The following FAM53B variants were observed in gnomAD, a reference collection of about 807,000 sequenced individuals.
FAM53B encodes family with sequence similarity 53 member B, also known as protein FAM53B.
In FAM53B, 12 loss-of-function variants were observed where a neutral mutation model predicts 32.7. The observed-to-expected ratio is 0.37, with a 90% confidence interval of 0.24 to 0.59. FAM53B has a LOEUF of 0.59. Among genes scored for constraint, FAM53B ranks in the 20% least tolerant of loss-of-function variants. The pLI is 0.72. For missense variants in FAM53B, 477 were observed against 577.7 expected, an observed-to-expected ratio of 0.83 and a Z score of 1.79; for synonymous variants, 234 against 228.7, an observed-to-expected ratio of 1.02 and a Z score of -0.21.
At chr10:124,705,306 G>GGAAGGT (rs76376256) in intron 2 of FAM53B, among the ~76,000 whole-genome samples, 1 of 152,026 alleles carries the variant, frequency 6.6e-6, no homozygotes, top group Non-Finnish European at 1.5e-5. Context: ...GGGGCAGGAG[G>GGAAGGT]GAAGGCGGAG....
chr10:124,672,253 A>G (rs1949711332), intron 4 of FAM53B, among the ~76,000 whole-genome samples: 1 of 152,220 alleles, frequency 6.6e-6, no homozygotes, highest in Admixed American at 6.5e-5. Context: ...TCTCCATCCC[A>G]CACCCATCTC....
At chr10:124,698,050 C>G (rs1461931755) in intron 2 of FAM53B, among the ~76,000 whole-genome samples, 1 of 152,204 alleles carries the variant, frequency 6.6e-6, no homozygotes, top group Non-Finnish European at 1.5e-5. Flanking sequence ...GCTGAGAGCT[C>G]AGCCTGTGGA....
chr10:124,645,216 G>A (rs962140140), intron 4 of FAM53B, among the ~76,000 whole-genome samples: 3 of 152,342 alleles, frequency 2.0e-5, no homozygotes, highest in African/African-American at 7.2e-5. Flanking sequence ...TGCCATCACC[G>A]CCATTCTGTG....
intron 1 of FAM53B, among the ~76,000 whole-genome samples, chr10:124,725,551 T>C (rs770843911): frequency 3.9e-5 from 6 of 152,234 alleles, no homozygotes; most frequent in Non-Finnish European, 7.3e-5. Flanking sequence ...ATGACAGCTC[T>C]GTCAGCTCGA....
Position 124,625,084 on chromosome 10 carries a change from G to C in FAM53B, c.907-1480C>G, listed in dbSNP as rs564907302. Among the ~76,000 whole-genome samples the C allele has an allele frequency of 2.6e-5, 4 of 152,364 alleles. No homozygotes were observed. The East Asian group carries it at 7.7e-4, about 29-fold the overall frequency. On this transcript the variant is annotated intron_variant, in intron 4 of 4. Coordinates refer to ENST00000337318, the MANE Select transcript of FAM53B (RefSeq NM_014661.4). ...GACCACAGACCTGTCCCGAGGGCCT[G>C]ATTCTTTCAAAGGCTGCAGTGTTTG...
intron 1 of FAM53B, among the ~76,000 whole-genome samples, chr10:124,710,533 G>A (rs1162396324): frequency 2.6e-5 from 4 of 152,180 alleles, no homozygotes; most frequent in East Asian, 1.9e-4. Context: ...CGGAGACTTC[G>A]AGCCCAGTCT....
At chr10:124,715,193 C>T (rs1950031582) in intron 1 of FAM53B, among the ~76,000 whole-genome samples, 1 of 152,178 alleles carries the variant, frequency 6.6e-6, no homozygotes, top group African/African-American at 2.4e-5. Context: ...CTGAGGTGTC[C>T]CAGCCAAACA....
chr10:124,625,331 G>A (rs1949339829), intron 4 of FAM53B, among the ~76,000 whole-genome samples: 1 of 152,226 alleles, frequency 6.6e-6, no homozygotes, highest in Non-Finnish European at 1.5e-5. Flanking sequence ...AGGCTGAGGT[G>A]TTGGGGGGAG....
chr10:124,696,090 C>G, intron 3 of FAM53B, 68 bp downstream of exon 3: 1 of 1,291,970 alleles, frequency 7.7e-7, no homozygotes, highest in Middle Eastern at 1.8e-4. Flanking sequence ...GAGTGTCTCA[C>G]CTGGAGGACT....
At chr10:124,641,261 G>C (rs1250653716) in intron 4 of FAM53B, among the ~76,000 whole-genome samples, 1 of 152,186 alleles carries the variant, frequency 6.6e-6, no homozygotes, top group African/African-American at 2.4e-5. Flanking sequence ...TTTCTACAGT[G>C]ACCAATAATG....
chr10:124,663,781 G>T (rs1949648529), intron 4 of FAM53B, among the ~76,000 whole-genome samples: 1 of 151,898 alleles, frequency 6.6e-6, no homozygotes, highest in Admixed American at 6.6e-5. Flanking sequence ...GGCTCATTTT[G>T]TTCCAGGGCG....
At chr10:124,629,281 C>T (rs1949375476) in intron 4 of FAM53B, among the ~76,000 whole-genome samples, 1 of 152,278 alleles carries the variant, frequency 6.6e-6, no homozygotes, top group South Asian at 2.1e-4. Flanking sequence ...CCCCTGCCTG[C>T]GCCAAGTCCG....
At chr10:124,632,924 G>A (rs1026563132) in intron 4 of FAM53B, among the ~76,000 whole-genome samples, 3 of 152,192 alleles carry the variant, frequency 2.0e-5, no homozygotes, top group Admixed American at 1.3e-4. Context: ...TGTGCCCTGA[G>A]GGAACTTGGC....
rs1030662339 is a variant in FAM53B at position 124,726,975 on chromosome 10, T to C, written c.-175+17038A>G. Reference sequence around the variant, plus strand: ...TACATCTTTATTTGTAAAAATTCCCTTGCAATATCTATTAAAATCCAGAAG... The same window carrying C: ...TACATCTTTATTTGTAAAAATTCCCCTGCAATATCTATTAAAATCCAGAAG... On this transcript the variant is annotated intron_variant, in intron 1 of 4. Transcript: ENST00000337318. 2.6e-5 allele frequency among the ~76,000 whole-genome samples: 4 copies of C among 152,340 alleles called. No individual in the cohort carries two copies. The East Asian group carries it at 5.8e-4, about 22-fold the overall frequency.
intron 4 of FAM53B, among the ~76,000 whole-genome samples, chr10:124,680,868 C>T (rs529976365): frequency 1.1e-4 from 16 of 152,310 alleles, no homozygotes; most frequent in Admixed American, 5.9e-4. Context: ...CTTCCTCATC[C>T]CCAGCCAGAA....
At chr10:124,674,929 G>A (rs1949728108) in intron 4 of FAM53B, among the ~76,000 whole-genome samples, 2 of 152,220 alleles carry the variant, frequency 1.3e-5, no homozygotes, top group Admixed American at 6.5e-5. Flanking sequence ...TTAGGAAAGG[G>A]CCCCTACTTC....
intron 4 of FAM53B, among the ~76,000 whole-genome samples, chr10:124,630,282 C>T (rs550783934): frequency 2.0e-5 from 3 of 152,294 alleles, no homozygotes; most frequent in East Asian, 1.9e-4. Context: ...GACATAGTGG[C>T]GCATGCCTGT....
chr10:124,740,484 A>C (rs1589770340), intron 1 of FAM53B, among the ~76,000 whole-genome samples: 1 of 152,228 alleles, frequency 6.6e-6, no homozygotes, highest in Non-Finnish European at 1.5e-5. Context: ...GTCTCAGGGT[A>C]CATCAGCATA....
chr10:124,667,612 G>C (rs1949681187), intron 4 of FAM53B, among the ~76,000 whole-genome samples: 2 of 152,154 alleles, frequency 1.3e-5, no homozygotes, highest in Non-Finnish European at 2.9e-5. Flanking sequence ...CTGGTGCCTG[G>C]GGTGCGAGGC....
Sources: gnomAD v4.1 joint callset for allele counts (sites outside exome capture counted in the v4.1 genomes callset) on GRCh38, gnomAD v4.1.1 for gene constraint, MANE v1.5 for transcripts, NCBI Gene and HGNC (gene_info 2026-07-23, HGNC 2026-07-21) for gene names.